PCDHGA11: variants seen among roughly 807,000 people sequenced by gnomAD.
The protein encoded by PCDHGA11 is protocadherin gamma subfamily A, 11, also known as protocadherin gamma-A11.
In PCDHGA11, 39 loss-of-function variants were observed where a neutral mutation model predicts 60.4. The observed-to-expected ratio is 0.65, with a 90% CI of 0.50 to 0.84. The LOEUF is 0.84. Among genes scored for constraint, PCDHGA11 ranks in the 40% least tolerant of loss-of-function variants. The pLI is 0.00. For missense variants in PCDHGA11, 1,165 were observed against 1,197.7 expected (o/e 0.97, Z 0.40); for synonymous variants, 533 against 510.3 (o/e 1.04, Z -0.60).
Position 141,490,835 on chromosome 5 carries a change from T to C in PCDHGA11, c.2434-3972T>C, listed in dbSNP as rs1284804400. 4 of 1,613,728 alleles carry C rather than the reference T, an allele frequency of 2.5e-6. No individual in the cohort carries two copies. The highest frequency in any genetic ancestry group is 1.1e-5 in the South Asian group (1 of 91,076). On this transcript the variant is annotated intron_variant, in intron 1 of 3. Transcript: ENST00000398587. This position sits in a 1 kb window ranked among gnomAD's most constrained non-coding sequence, Gnocchi z 5.4. ...TATGAATTGCTGCAGATGCTGCAGATTGTGGTGGGGGTTCGAGACTCCGGC... is the reference window on the plus strand; with the variant it reads ...TATGAATTGCTGCAGATGCTGCAGACTGTGGTGGGGGTTCGAGACTCCGGC...
rs1391017504 is a variant in PCDHGA11 at position 141,490,732 on chromosome 5, G to GTTCAGGGAGCCCCAGCCTCCTCCT, written c.2434-4072_2434-4049dup. 6.2e-7 allele frequency: 1 copy of GTTCAGGGAGCCCCAGCCTCCTCCT among 1,614,070 alleles called. No individual in the cohort carries two copies. Among genetic ancestry groups the GTTCAGGGAGCCCCAGCCTCCTCCT allele is most frequent in the Non-Finnish European group, 8.5e-7 (1 of 1,180,050 alleles). On this transcript the variant is annotated intron_variant, in intron 1 of 3. Coordinates refer to ENST00000398587, the MANE Select transcript of PCDHGA11 (RefSeq NM_018914.3). This position sits in a 1 kb window ranked among gnomAD's most constrained non-coding sequence, Gnocchi z 5.4. ...CACCTACTCCATTGTAGGAAATCAG[G>GTTCAGGGAGCCCCAGCCTCCTCCT]TTCAGGGAGCCCCAGCCTCCTCCTT...
intron 2 of PCDHGA11, among the ~76,000 whole-genome samples, chr5:141,500,008 C>T (rs1027220192): frequency 6.6e-6 from 1 of 151,770 alleles, no homozygotes; most frequent in African/African-American, 2.4e-5. Flanking sequence ...TTCATAAGGT[C>T]CACATTTTAT....
intron 1 of PCDHGA11, among the ~76,000 whole-genome samples, chr5:141,446,107 T>C (rs1031524158): frequency 6.6e-6 from 1 of 152,130 alleles, no homozygotes; most frequent in Admixed American, 6.5e-5. Flanking sequence ...TATAGATATA[T>C]TTAGGAAATG....
chr5:141,463,590 A>G (rs975534405), intron 1 of PCDHGA11, among the ~76,000 whole-genome samples: 3 of 151,848 alleles, frequency 2.0e-5, no homozygotes, highest in African/African-American at 7.3e-5. Flanking sequence ...CTGGGACTAC[A>G]GGTGCCTGCC....
Position 141,491,992 on chromosome 5 carries a change from T to G in PCDHGA11, c.2434-2815T>G. ...GGCCTCCTTCGAGCTTCCGGTGAAT[T>G]TCGGGCGATTTCCGCGGGTGTCGGG... On this transcript the variant is annotated intron_variant, in intron 1 of 3. Transcript: ENST00000398587. This position sits in a 1 kb window ranked among gnomAD's most constrained non-coding sequence, Gnocchi z 6.9. The G allele has an allele frequency of 1.5e-6, 1 of 684,982 alleles. No homozygotes were observed. The highest frequency in any genetic ancestry group is 2.3e-6 in the Non-Finnish European group (1 of 443,370). The allele number at this position is 684,982 out of a possible 1,614,324, so 42.4% of individuals were successfully genotyped here.
Position 141,490,351 on chromosome 5 carries a change from T to C in PCDHGA11, c.2434-4456T>C. Reference sequence around the variant, plus strand: ...CACACCAGTGGGCACAGTAGTGGGGTTGTTTAATGTGCGAGACCGGGACTC... The same window carrying C: ...CACACCAGTGGGCACAGTAGTGGGGCTGTTTAATGTGCGAGACCGGGACTC... On this transcript the variant is annotated intron_variant, in intron 1 of 3. Transcript: ENST00000398587. The surrounding 1 kb of genome is among the most constrained non-coding windows in gnomAD (Gnocchi z 5.4). 6.2e-7 allele frequency: 1 copy of C among 1,614,028 alleles called. No individual in the cohort carries two copies. The highest frequency in any genetic ancestry group is 1.3e-5 in the African/African-American group (1 of 74,976).
rs1031624761 is a variant in PCDHGA11 at position 141,433,138 on chromosome 5, G to A, written c.2433+9478G>A. The A allele has an allele frequency of 2.5e-6, 4 of 1,614,038 alleles. No individual in the cohort carries two copies. In the Admixed American group the frequency reaches 6.7e-5, roughly 27 times the overall value. On this transcript the variant is annotated intron_variant, in intron 1 of 3. Coordinates refer to ENST00000398587, the MANE Select transcript of PCDHGA11 (RefSeq NM_018914.3). ...TTGAAAAAAGCGAGCCCCTTTTGCT[G>A]TCAGGTGATTCGGTATTTTCTAAAG...
intron 1 of PCDHGA11, among the ~76,000 whole-genome samples, chr5:141,461,764 C>T (rs1005862192): frequency 6.6e-6 from 1 of 152,118 alleles, no homozygotes; most frequent in East Asian, 1.9e-4. Context: ...AGCGATTCTC[C>T]TGCCTCAGCC....
rs1177814811 is a variant in PCDHGA11 at position 141,511,841 on chromosome 5, CTGTTT to C, written c.*675_*679del. The C allele has an allele frequency of 3.2e-5, 5 of 156,826 alleles. No homozygotes were observed. Among genetic ancestry groups the C allele is most frequent in the African/African-American group, 4.8e-5 (2 of 41,458 alleles). The allele number at this position is 156,826 out of a possible 1,614,324, so 9.7% of individuals were successfully genotyped here. ...TCCCAACGCCCTGGGGACCAGTCTT[CTGTTT>C]TGTTTTTCATTGTTTGACGTTTCCA... On this transcript the variant is annotated 3_prime_UTR_variant, in exon 4 of 4. Coordinates refer to ENST00000398587, the MANE Select transcript of PCDHGA11 (RefSeq NM_018914.3).
intron 3 of PCDHGA11, among the ~76,000 whole-genome samples, chr5:141,508,624 G>A (rs552418899): frequency 3.3e-5 from 5 of 152,256 alleles, no homozygotes; most frequent in African/African-American, 9.6e-5. Context: ...TGGGTGGGCC[G>A]AGCTTCTAGC....
At position 141,432,651 on chromosome 5, in the gene PCDHGA11, C is replaced by A; in HGVS notation, c.2433+8991C>A. 2.5e-6 allele frequency: 4 copies of A among 1,613,824 alleles called. No individual in the cohort carries two copies. The highest frequency in any genetic ancestry group is 1.1e-5 in the South Asian group (1 of 91,058). ...ACGGGCGAGGTGCGCACGGCGCGAG[C>A]CCTGCTGGACAGAGACGCGCTCAAG... On this transcript the variant is annotated intron_variant, in intron 1 of 3. Coordinates refer to ENST00000398587, the MANE Select transcript of PCDHGA11 (RefSeq NM_018914.3). This position sits in a 1 kb window ranked among gnomAD's most constrained non-coding sequence, Gnocchi z 6.0.
chr5:141,467,710 G>A (rs1284029664), intron 1 of PCDHGA11, among the ~76,000 whole-genome samples: 1 of 152,122 alleles, frequency 6.6e-6, no homozygotes, highest in Non-Finnish European at 1.5e-5. Context: ...TGCCCAGGCT[G>A]GAGTGTAGTG....
At chr5:141,446,697 C>T (rs1254994356) in intron 1 of PCDHGA11, among the ~76,000 whole-genome samples, 9 of 152,134 alleles carry the variant, frequency 5.9e-5, no homozygotes, top group Admixed American at 5.9e-4. Context: ...AGGCTGGTCT[C>T]GAACTCTGAT....
rs145569377 is a variant in PCDHGA11 at position 141,455,860 on chromosome 5, ATTATTTATTTATTTATTTATTTATTTAT to A, written c.2433+32227_2433+32254del. Among the ~76,000 whole-genome samples the A allele has an allele frequency of 5.0e-5, 7 of 139,848 alleles. No individual in the cohort carries two copies. The South Asian group carries it at 9.2e-4, about 18-fold the overall frequency. 91.7% of individuals were successfully genotyped at this position (139,848 alleles called of 152,430 possible). On this transcript the variant is annotated intron_variant, in intron 1 of 3. Transcript: ENST00000398587. ...CTATCTGCATAAAATAATTTCTTTT[ATTATTTATTTATTTATTTATTTATTTAT>A]TTATTTATTTATTTATTTATTTATT...
chr5:141,499,029 A>AAGGAAGGAAGG lies in PCDHGA11; in HGVS notation c.2492+4165_2492+4166insGGAAGGAAGGA, dbSNP rs1562187768. ...GGAAGGAAGGAAGGAAGGAAGGAAG[A>AAGGAAGGAAGG]AAAGAAAGAAAAAGGGAGAAAAAAT... On this transcript the variant is annotated intron_variant, in intron 2 of 3. Transcript: ENST00000398587. 4.1e-4 allele frequency among the ~76,000 whole-genome samples: 57 copies of AAGGAAGGAAGG among 140,074 alleles called. 2 individuals are homozygous for AAGGAAGGAAGG. Among genetic ancestry groups the AAGGAAGGAAGG allele is most frequent in the African/African-American group, 1.4e-3 (52 of 36,074 alleles). 91.9% of individuals were successfully genotyped at this position (140,074 alleles called of 152,430 possible).
intron 1 of PCDHGA11, among the ~76,000 whole-genome samples, chr5:141,446,473 G>C (rs558209769): frequency 2.0e-4 from 29 of 148,138 alleles, no homozygotes; most frequent in Non-Finnish European, 1.5e-4. Context: ...TAGACATATG[G>C]TCATCATTCT....
At position 141,491,660 on chromosome 5, in the gene PCDHGA11, C is replaced by A; in HGVS notation, c.2434-3147C>A. ...ACAGCTCTGGCGCTGGAGCCTGACGCCATCCGGTCCCGCTCTAATACGCTG... is the reference window on the plus strand; with the variant it reads ...ACAGCTCTGGCGCTGGAGCCTGACGACATCCGGTCCCGCTCTAATACGCTG... On this transcript the variant is annotated intron_variant, in intron 1 of 3. Transcript: ENST00000398587. The surrounding 1 kb of genome is among the most constrained non-coding windows in gnomAD (Gnocchi z 6.9). The A allele has an allele frequency of 6.2e-7, 1 of 1,613,810 alleles. No individual in the cohort carries two copies. The highest frequency in any genetic ancestry group is 8.5e-7 in the Non-Finnish European group (1 of 1,180,008).
intron 2 of PCDHGA11, among the ~76,000 whole-genome samples, chr5:141,500,877 AT>A (rs369345007): frequency 5.2e-4 from 64 of 122,250 alleles, no homozygotes; most frequent in Admixed American, 1.0e-3. Context: ...TTCATTTACA[AT>A]TTTTTTTTTT....
In PCDHGA11 at chr5:141,511,351, C is replaced by A. The variant is rs1190324197; in HGVS notation, c.*178C>A. 11 of 1,386,432 alleles carry A rather than the reference C, an allele frequency of 7.9e-6. No individual in the cohort carries two copies. Among genetic ancestry groups the A allele is most frequent in the South Asian group, 4.5e-5 (3 of 67,158 alleles). The allele number at this position is 1,386,432 out of a possible 1,614,324, so 85.9% of individuals were successfully genotyped here. On this transcript the variant is annotated 3_prime_UTR_variant, in exon 4 of 4. Transcript: ENST00000398587. ...CCAGTCAGCACCTACCCCTTCCCCC[C>A]CAGGGGGTTGAATATGCAAAAGCAG...
Sources: allele counts gnomAD v4.1 joint callset (sites outside exome capture counted in the v4.1 genomes callset), GRCh38; gene constraint gnomAD v4.1.1; non-coding constraint Gnocchi (gnomAD v3.1); transcripts MANE v1.5; gene names NCBI Gene and HGNC (gene_info 2026-07-23, HGNC 2026-07-21).